Variants in SUGP2 observed in about 807,000 individuals in gnomAD.
SUGP2 encodes SURP and G-patch domain containing 2.
In SUGP2, 24 loss-of-function variants were observed where a neutral mutation model predicts 90.5. The observed-to-expected ratio is 0.27, with a 90% CI of 0.19 to 0.37. The LOEUF is 0.37. Ranked by LOEUF, SUGP2 falls within the 10% of genes least tolerant of loss-of-function variation. The pLI, the probability that SUGP2 is intolerant of heterozygous loss-of-function variation, is 1.00. For missense variants in SUGP2, 1,233 were observed against 1,363.3 expected (o/e 0.90, Z 1.51); for synonymous variants, 473 against 513.4 (o/e 0.92, Z 1.06).
At chr19:19,003,937 CAGGG>C (rs2145377506) in intron 7 of SUGP2, among the ~76,000 whole-genome samples, 1 of 152,342 alleles carries the variant, frequency 6.6e-6, no homozygotes, top group Admixed American at 6.5e-5. Flanking sequence ...TCCAGGCAAT[CAGGG>C]AAATGTCCAG....
chr19:19,011,222 A>G (rs1479647937), intron 4 of SUGP2, among the ~76,000 whole-genome samples: 1 of 150,662 alleles, frequency 6.6e-6, no homozygotes, highest in Non-Finnish European at 1.5e-5. Flanking sequence ...ATTACAGCTC[A>G]CCGCAGCCTC....
chr19:19,004,591 C>T lies in SUGP2; in HGVS notation c.2506G>A (p.Glu836Lys), dbSNP rs749309984. Residue 836 changes from glutamate (E) to lysine (K), a missense_variant, in exon 7 of 11, where the codon GAA becomes AAA. Glu to Lys is a moderately conservative substitution (Grantham distance 56). This residue lies in a region of SUGP2 where 540 missense variants were observed against 542.6 expected (regional missense o/e 1.00). Transcript: ENST00000452918. Reference sequence around the variant, plus strand: ...GTGAAACAAATTGATGGACATAGTTCAAACACTTTCTTTCGATAGAATTTG... The same window carrying T: ...GTGAAACAAATTGATGGACATAGTTTAAACACTTTCTTTCGATAGAATTTG... ...AFKFYRKKVF[E>K]LCPSICFTSS... 13 of 1,613,742 alleles carry T rather than the reference C, an allele frequency of 8.1e-6. No individual in the cohort carries two copies. The highest frequency in any genetic ancestry group is 1.7e-5 in the Admixed American group (1 of 59,994).
intron 1 of SUGP2, among the ~76,000 whole-genome samples, chr19:19,031,623 A>C (rs1228413808): frequency 6.6e-6 from 1 of 151,884 alleles, no homozygotes; most frequent in African/African-American, 2.4e-5. Flanking sequence ...GAATTGCTTG[A>C]ACCAGGGAGA....
intron 4 of SUGP2, among the ~76,000 whole-genome samples, chr19:19,011,647 T>C (rs1386835818): frequency 1.3e-5 from 2 of 152,220 alleles, no homozygotes; most frequent in East Asian, 1.9e-4. Flanking sequence ...ATTGGCATAA[T>C]GTGGCCCACG....
intron 6 of SUGP2, among the ~76,000 whole-genome samples, 158 bp downstream of exon 6, chr19:19,008,159 C>T (rs1173530980): frequency 6.6e-6 from 1 of 152,072 alleles, no homozygotes; most frequent in Non-Finnish European, 1.5e-5. Context: ...GGTGTAATGG[C>T]CAGTTGCAGT....
chr19:19,024,637 G>A lies in SUGP2; in HGVS notation c.1711C>T (p.Pro571Ser). The stretch of plus-strand genomic sequence containing the variant: ...TCCTTACCATCACTCAGACTACTTG[G>A]AGCCTTGGCCTGAATTTCAGGTTTC... ...PTKPEIQAKA[P>S]SSLSDAVPQR... The change falls in exon 3 of 11, where the codon CCA becomes TCA. Residue 571 changes from proline to serine, a missense_variant. Physicochemically the swap from Pro to Ser is moderately conservative, Grantham distance 74. Transcript: ENST00000452918. 1 of 1,613,816 alleles carries A rather than the reference G, an allele frequency of 6.2e-7. No individual in the cohort carries two copies. Among genetic ancestry groups the A allele is most frequent in the Non-Finnish European group, 8.5e-7 (1 of 1,179,852 alleles).
intron 4 of SUGP2, among the ~76,000 whole-genome samples, chr19:19,012,225 A>G (rs1365574572): frequency 6.6e-6 from 1 of 152,216 alleles, no homozygotes; most frequent in Admixed American, 6.5e-5. Context: ...ATCCTGCAAG[A>G]TCATGCCCTA....
chr19:19,025,753 C>G lies in SUGP2; in HGVS notation c.595G>C (p.Ala199Pro). The part of the protein sequence containing the change: ...RDYDVDHPGE[A>P]DSVLRGGSQV... The stretch of plus-strand genomic sequence containing the variant: ...CTGCCGCCCCTAAGCACAGAGTCAG[C>G]CTCCCCAGGATGGTCCACGTCATAA... The change falls in exon 3 of 11, where the codon GCT (alanine) becomes CCT (proline). Residue 199 changes from alanine to proline, a missense_variant. Around this residue, in one of 8 missense-constraint regions of SUGP2, gnomAD observed 418 missense variants for 399.9 expected, o/e 1.05. Coordinates refer to ENST00000452918, the MANE Select transcript of SUGP2 (RefSeq NM_001017392.5). The G allele has an allele frequency of 6.2e-7, 1 of 1,613,962 alleles. No homozygotes were observed. The highest frequency in any genetic ancestry group is 8.5e-7 in the Non-Finnish European group (1 of 1,179,986).
At chr19:19,022,165 T>C (rs1372616863) in intron 3 of SUGP2, among the ~76,000 whole-genome samples, 5 of 152,218 alleles carry the variant, frequency 3.3e-5, no homozygotes, top group African/African-American at 1.2e-4. Flanking sequence ...TTTGTATTTT[T>C]AGTAGAGACG....
chr19:19,031,936 G>T (rs938655644), intron 1 of SUGP2, among the ~76,000 whole-genome samples: 1 of 150,916 alleles, frequency 6.6e-6, no homozygotes, highest in African/African-American at 2.4e-5. Context: ...TTTTAAGGGG[G>T]TCTCTGCCCT....
rs745321110 is a variant in SUGP2 at position 19,004,303 on chromosome 19, C to T, written c.2794G>A (p.Asp932Asn). ...GACAAGGCAGGTGCTCCAGCCAGGTCGTCCTCGGCAGCCTCGCCGGGAAGG... is the reference window on the plus strand; with the variant it reads ...GACAAGGCAGGTGCTCCAGCCAGGTTGTCCTCGGCAGCCTCGCCGGGAAGG... ...DGLPGEAAED[D>N]LAGAPALSQA... The change falls in exon 7 of 11, where the codon GAC becomes AAC. Residue 932 changes from aspartate to asparagine, a missense_variant. Physicochemically the swap from Asp to Asn is conservative, Grantham distance 23. This residue lies in a region of SUGP2 where 105 missense variants were observed against 155.2 expected (regional missense o/e 0.68). Transcript: ENST00000452918. 13 of 1,613,764 alleles carry T rather than the reference C, an allele frequency of 8.1e-6. No homozygotes were observed. Among genetic ancestry groups the T allele is most frequent in the Admixed American group, 5.0e-5 (3 of 60,020 alleles).
At chr19:19,011,275 G>A (rs1356448043) in intron 4 of SUGP2, among the ~76,000 whole-genome samples, 1 of 151,660 alleles carries the variant, frequency 6.6e-6, no homozygotes, top group Non-Finnish European at 1.5e-5. Context: ...AGCCTCCCCA[G>A]TAGCTGGGAC....
chr19:19,015,091 A>G (rs2058448469), intron 4 of SUGP2, among the ~76,000 whole-genome samples: 1 of 152,028 alleles, frequency 6.6e-6, no homozygotes, highest in African/African-American at 2.4e-5. Flanking sequence ...AGTCCCAGCT[A>G]CTAGGGAGGC....
chr19:19,014,129 G>A (rs1377639577), intron 4 of SUGP2, among the ~76,000 whole-genome samples: 1 of 152,172 alleles, frequency 6.6e-6, no homozygotes, highest in African/African-American at 2.4e-5. Flanking sequence ...GAGTAGCTGG[G>A]AGTATAGGCA....
intron 3 of SUGP2, among the ~76,000 whole-genome samples, chr19:19,024,369 C>G (rs2058842614): frequency 6.6e-6 from 1 of 152,232 alleles, no homozygotes; most frequent in Non-Finnish European, 1.5e-5. Flanking sequence ...CTCAGCCTCC[C>G]AAAGTGCTGG....
At chr19:19,027,140 G>A (rs1038891962) in intron 2 of SUGP2, among the ~76,000 whole-genome samples, 1 of 152,186 alleles carries the variant, frequency 6.6e-6, no homozygotes, top group Non-Finnish European at 1.5e-5. Context: ...GGGCGGAGGG[G>A]AAGATGTACT....
Position 18,991,209 on chromosome 19 carries a change from C to G in SUGP2, c.*2532G>C, listed in dbSNP as rs145469102. On this transcript the variant is annotated 3_prime_UTR_variant, in exon 11 of 11. Transcript: ENST00000452918. ...CGGCTGTGCCACCACACATCACGCGCGACACGAGGATCCTGCAGAGCGGCC... is the reference window on the plus strand; with the variant it reads ...CGGCTGTGCCACCACACATCACGCGGGACACGAGGATCCTGCAGAGCGGCC... 2.0e-5 allele frequency: 3 copies of G among 152,104 alleles called. No individual in the cohort carries two copies. The highest frequency in any genetic ancestry group is 7.2e-5 in the African/African-American group (3 of 41,412). 9.4% of individuals were successfully genotyped at this position (152,104 alleles called of 1,614,324 possible).
intron 5 of SUGP2, among the ~76,000 whole-genome samples, chr19:19,009,523 C>G (rs929330149): frequency 6.6e-6 from 1 of 152,166 alleles, no homozygotes; most frequent in South Asian, 2.1e-4. Flanking sequence ...CAAGGGAGGC[C>G]AGGATATAGC....
Position 19,007,457 on chromosome 19 carries a change from A to AT in SUGP2, c.2450+859dup, listed in dbSNP as rs769973555. ...GATGAAGGCAGGTCCCCTAGAACAG[A>AT]TTTTTTTTTTTTGAGATGGAGTTTC... On this transcript the variant is annotated intron_variant, in intron 6 of 10. Coordinates refer to ENST00000452918, the MANE Select transcript of SUGP2 (RefSeq NM_001017392.5). The AT allele has an allele frequency of 7.5e-4, 110 of 146,614 alleles. 1 individual carries two copies. Among genetic ancestry groups the AT allele is most frequent in the South Asian group, 3.5e-3 (16 of 4,626 alleles). 9.1% of individuals were successfully genotyped at this position (146,614 alleles called of 1,614,324 possible).
Sources: gnomAD v4.1 joint callset for allele counts (sites outside exome capture counted in the v4.1 genomes callset) on GRCh38, gnomAD v4.1.1 for gene constraint, gnomAD v4.1.1 regional missense constraint, MANE v1.5 for transcripts, NCBI Gene and HGNC (gene_info 2026-07-23, HGNC 2026-07-21) for gene names.